MYRIP: variants seen among roughly 807,000 people sequenced by gnomAD.
MYRIP encodes the protein rab effector MyRIP.
MYRIP carries 49 observed loss-of-function variants against 98.0 expected under a neutral mutation model. That is an observed-to-expected ratio of 0.50 (90% CI 0.40 to 0.63). MYRIP has a LOEUF of 0.63. Ranked by LOEUF, MYRIP falls within the 30% of genes least tolerant of loss-of-function variation. The probability of loss-of-function intolerance (pLI) is 0.00; values close to 1 mark genes in which losing one functional copy is unlikely to be tolerated. For missense variants in MYRIP, 1,004 were observed against 1,058.2 expected (o/e 0.95, Z 0.71); for synonymous variants, 404 against 409.5 (o/e 0.99, Z 0.16).
chr3:40,211,758 A>G (rs1951934923), intron 11 of MYRIP, among the ~76,000 whole-genome samples: 1 of 152,126 alleles, frequency 6.6e-6, no homozygotes, highest in South Asian at 2.1e-4. Flanking sequence ...TACCAGTGGC[A>G]TGCCAGGCTG....
intron 10 of MYRIP, among the ~76,000 whole-genome samples, chr3:40,208,344 C>T (rs983425661): frequency 6.6e-6 from 1 of 152,194 alleles, no homozygotes; most frequent in African/African-American, 2.4e-5. Context: ...ATACATAAAA[C>T]AACTCCAAGA....
chr3:39,889,558 T>C (rs868247722), intron 1 of MYRIP, among the ~76,000 whole-genome samples: 11 of 152,090 alleles, frequency 7.2e-5, no homozygotes, highest in Non-Finnish European at 1.3e-4. Context: ...AGGGATAGCA[T>C]TGGGAGATAT....
At chr3:40,063,459 C>A (rs1277914475) in intron 3 of MYRIP, among the ~76,000 whole-genome samples, 2 of 152,186 alleles carry the variant, frequency 1.3e-5, no homozygotes, top group Non-Finnish European at 2.9e-5. Flanking sequence ...TGAATGCTTA[C>A]TGAGTTTGAC....
At chr3:40,039,804 C>T (rs931248346) in intron 2 of MYRIP, among the ~76,000 whole-genome samples, 1 of 151,312 alleles carries the variant, frequency 6.6e-6, no homozygotes, top group Admixed American at 6.6e-5. Flanking sequence ...TGGCTTAAAA[C>T]AATAAGAATG....
At chr3:39,896,767 G>T (rs1409853292) in intron 1 of MYRIP, among the ~76,000 whole-genome samples, 1 of 152,074 alleles carries the variant, frequency 6.6e-6, no homozygotes, top group Non-Finnish European at 1.5e-5. Flanking sequence ...GACCCTTCTA[G>T]GTACTTTAAT....
chr3:39,960,879 G>GA (rs1024297875), intron 2 of MYRIP, among the ~76,000 whole-genome samples: 3 of 152,122 alleles, frequency 2.0e-5, no homozygotes, highest in Non-Finnish European at 4.4e-5. Context: ...TCTTCCTTCT[G>GA]AAAATCGATA....
chr3:40,033,517 C>T (rs558026665), intron 2 of MYRIP, among the ~76,000 whole-genome samples: 152 of 152,086 alleles, frequency 1.0e-3, no homozygotes, highest in African/African-American at 1.7e-3. Flanking sequence ...TAACAACGGA[C>T]GTGAAGGACC....
At chr3:40,129,969 T>A (rs917427259) in intron 3 of MYRIP, among the ~76,000 whole-genome samples, 16 of 152,256 alleles carry the variant, frequency 1.1e-4, no homozygotes, top group African/African-American at 3.9e-4. Flanking sequence ...GAAAACTGCT[T>A]ATACAACAAG....
Position 40,145,640 on chromosome 3 carries a change from C to T in MYRIP, c.333-5408C>T, listed in dbSNP as rs895514636. 1.3e-4 allele frequency among the ~76,000 whole-genome samples: 20 copies of T among 152,174 alleles called. 1 individual carries two copies. Among genetic ancestry groups the T allele is most frequent in the Admixed American group, 1.2e-3 (19 of 15,272 alleles). On this transcript the variant is annotated intron_variant, in intron 3 of 16. Transcript: ENST00000302541. ...GGTGGGAAGTGTAAATTGGTGCAAGCTTTCTGAAAAAGTCACATCTTTGAA... is the reference window on the plus strand; with the variant it reads ...GGTGGGAAGTGTAAATTGGTGCAAGTTTTCTGAAAAAGTCACATCTTTGAA...
At chr3:40,022,141 G>T (rs1030066692) in intron 2 of MYRIP, among the ~76,000 whole-genome samples, 1 of 152,140 alleles carries the variant, frequency 6.6e-6, no homozygotes, top group Non-Finnish European at 1.5e-5. Context: ...CTTGCCCATT[G>T]GTTGAACTTG....
intron 8 of MYRIP, among the ~76,000 whole-genome samples, chr3:40,171,405 C>T (rs1198316251): frequency 1.3e-5 from 2 of 152,182 alleles, no homozygotes; most frequent in Non-Finnish European, 2.9e-5. Flanking sequence ...GCCTGTCACT[C>T]AGACTGGTCA....
chr3:40,199,370 C>T (rs529490059), intron 10 of MYRIP, among the ~76,000 whole-genome samples: 37 of 152,262 alleles, frequency 2.4e-4, no homozygotes, highest in African/African-American at 6.7e-4. Flanking sequence ...CTCTGCTGTC[C>T]GGGCTGCTCC....
chr3:39,877,392 C>A (rs547815661), intron 1 of MYRIP, among the ~76,000 whole-genome samples: 1 of 152,098 alleles, frequency 6.6e-6, no homozygotes, highest in Non-Finnish European at 1.5e-5. Flanking sequence ...TGAGGAACTG[C>A]GTTCCTTTGG....
chr3:40,055,121 T>C (rs1026684076), intron 3 of MYRIP, among the ~76,000 whole-genome samples: 2 of 152,204 alleles, frequency 1.3e-5, no homozygotes, highest in African/African-American at 4.8e-5. Flanking sequence ...TACACTCTGG[T>C]ATTTAGGTTT....
intron 12 of MYRIP, among the ~76,000 whole-genome samples, chr3:40,236,150 C>T (rs1184027338): frequency 6.6e-6 from 1 of 152,106 alleles, no homozygotes; most frequent in Non-Finnish European, 1.5e-5. Flanking sequence ...TGTTTAGATA[C>T]ACAAATAATT....
At chr3:40,238,503 G>T (rs910385950) in intron 12 of MYRIP, 1 of 152,200 alleles carries the variant, frequency 6.6e-6, no homozygotes, top group African/African-American at 2.4e-5. Flanking sequence ...AAATAGAAAC[G>T]GTGACACTAT....
chr3:39,978,155 T>C (rs1945801782), intron 2 of MYRIP, among the ~76,000 whole-genome samples: 1 of 152,222 alleles, frequency 6.6e-6, no homozygotes, highest in African/African-American at 2.4e-5. Context: ...AGGGCTAGTC[T>C]TAACTGATGC....
At chr3:40,135,138 A>C (rs1009310870) in intron 3 of MYRIP, among the ~76,000 whole-genome samples, 7 of 152,342 alleles carry the variant, frequency 4.6e-5, no homozygotes, top group African/African-American at 1.4e-4. Context: ...ACTTTGAAAA[A>C]AAATTAGATG....
intron 2 of MYRIP, among the ~76,000 whole-genome samples, chr3:39,974,153 G>A (rs1945678343): frequency 7.2e-6 from 1 of 139,118 alleles, no homozygotes; most frequent in Non-Finnish European, 1.7e-5. Flanking sequence ...TAGACTGCTA[G>A]CAAGACTAAT....
Sources: gnomAD v4.1 joint callset for allele counts (sites outside exome capture counted in the v4.1 genomes callset) on GRCh38, gnomAD v4.1.1 for gene constraint, MANE v1.5 for transcripts, NCBI Gene and HGNC (gene_info 2026-07-23, HGNC 2026-07-21) for gene names.